Variants in CDT1 observed in about 807,000 individuals in gnomAD.
CDT1 encodes DNA replication factor Cdt1.
In CDT1, 66 loss-of-function variants were observed where a neutral mutation model predicts 49.3. The observed-to-expected ratio is 1.34, with a 90% CI of 1.10 to 1.64. The LOEUF is 1.64. Among genes scored for constraint, CDT1 ranks in the 40% most tolerant of loss-of-function variants. The pLI is 0.00. For synonymous variants in CDT1, 424 were observed against 347.4 expected, an observed-to-expected ratio of 1.22 and a Z score of -2.45; for missense variants, 958 against 807.7, an observed-to-expected ratio of 1.19 and a Z score of -2.26.
In CDT1 at chr16:88,805,879, G is replaced by A. The variant is rs754206836; in HGVS notation, c.832+10G>A. The A allele has an allele frequency of 2.5e-6, 4 of 1,612,504 alleles. No homozygotes were observed. Among genetic ancestry groups the A allele is most frequent in the African/African-American group, 1.3e-5 (1 of 75,014 alleles). On this transcript the variant is annotated intron_variant, in intron 5 of 9. Coordinates refer to ENST00000301019, the MANE Select transcript of CDT1 (RefSeq NM_030928.4). ...CCACTGCTGGAGCAGGGTGAGTGCTGGGTGCGGGACCTCGGTTTCCCCATC... is the reference window on the plus strand; with the variant it reads ...CCACTGCTGGAGCAGGGTGAGTGCTAGGTGCGGGACCTCGGTTTCCCCATC...
chr16:88,804,516 G>C, intron 1 of CDT1, 29 bp from the exon 2 acceptor site: 14 of 1,608,014 alleles, frequency 8.7e-6, no homozygotes, highest in South Asian at 2.2e-5. Context: ...GTCTTGTCAT[G>C]AGTTCACCCT....
At chr16:88,806,214 G>C in intron 6 of CDT1, 93 bp downstream of exon 6, 1 of 1,224,614 alleles carries the variant, frequency 8.2e-7, no homozygotes, top group Non-Finnish European at 1.2e-6. Flanking sequence ...GCCACTCACA[G>C]CTTCTCCCGG....
In CDT1 at chr16:88,809,158, G is replaced by A. The variant is rs1283317633; in HGVS notation, c.*880G>A. ...TGGAGAAGCTGGGCAGGACAAGTAG[G>A]ACATCCCTGGAGCCTCCAGAAGGGA... is the stretch of plus-strand genomic sequence containing the variant. On this transcript the variant is annotated 3_prime_UTR_variant, in exon 10 of 10. Transcript: ENST00000301019. 1 of 288,328 alleles carries A rather than the reference G, an allele frequency of 3.5e-6. No individual in the cohort carries two copies. Among genetic ancestry groups the A allele is most frequent in the Non-Finnish European group, 6.8e-6 (1 of 146,488 alleles). 17.9% of individuals were successfully genotyped at this position (288,328 alleles called of 1,614,324 possible). A position where few individuals can be genotyped will look rare whatever the true frequency, so the allele number is the denominator to read the frequency against.
chr16:88,808,321 C>T lies in CDT1; in HGVS notation c.*43C>T, dbSNP rs3743548. ...GACAGACGTGGGCTTCAGAAGCTCG[C>T]TGGCCTGGGCCCACCAGCATTTTCT... On this transcript the variant is annotated 3_prime_UTR_variant, in exon 10 of 10. Transcript: ENST00000301019. 2 of 1,539,752 alleles carry T rather than the reference C, an allele frequency of 1.3e-6. No individual in the cohort carries two copies. Among genetic ancestry groups the T allele is most frequent in the East Asian group, 2.4e-5 (1 of 41,188 alleles).
Position 88,807,127 on chromosome 16 carries a change from C to T in CDT1, c.1199C>T (p.Pro400Leu), listed in dbSNP as rs367845242. The T allele has an allele frequency of 4.5e-5, 73 of 1,612,502 alleles. No individual in the cohort carries two copies. The Admixed American group carries it at 6.7e-4, about 15-fold the overall frequency. Residue 400 changes from proline to leucine, a missense_variant, in exon 8 of 10, where the codon CCG becomes CTG. Transcript: ENST00000301019. ...SSPGSPRPAL[P>L]ATPPATPPAA... The stretch of plus-strand genomic sequence containing the variant: ...CCCGGGTCTCCCAGGCCAGCACTGC[C>T]GGCTACCCCACCAGCCACCCCGCCT...
chr16:88,808,036 T>C, intron 9 of CDT1, 79 bp from the exon 10 acceptor site: 1 of 1,500,494 alleles, frequency 6.7e-7, no homozygotes. Flanking sequence ...AGAGGTTGGG[T>C]GGTCAGGCTG....
Position 88,807,048 on chromosome 16 carries a change from C to T in CDT1, c.1123-3C>T. Reference sequence around the variant, plus strand: ...TCTCCAGTCCAACCTGTCCCTCCCGCAGATGGAGAAGGCCTTGAGTCAATT... The same window carrying T: ...TCTCCAGTCCAACCTGTCCCTCCCGTAGATGGAGAAGGCCTTGAGTCAATT... On this transcript the variant is annotated splice_region_variant and splice_polypyrimidine_tract_variant and intron_variant, in intron 7 of 9. Coordinates refer to ENST00000301019, the MANE Select transcript of CDT1 (RefSeq NM_030928.4). 6.2e-7 allele frequency: 1 copy of T among 1,612,870 alleles called. No homozygotes were observed. Among genetic ancestry groups the T allele is most frequent in the Non-Finnish European group, 8.5e-7 (1 of 1,179,956 alleles).
rs1908915462 is a variant in CDT1 at position 88,807,579 on chromosome 16, C to A, written c.1477+97C>A. The A allele has an allele frequency of 7.4e-6, 9 of 1,211,098 alleles. No individual in the cohort carries two copies. In the Admixed American group the frequency reaches 1.8e-4, roughly 24 times the overall value. The allele number at this position is 1,211,098 out of a possible 1,614,324, so 75.0% of individuals were successfully genotyped here. On this transcript the variant is annotated intron_variant, in intron 9 of 9. Coordinates refer to ENST00000301019, the MANE Select transcript of CDT1 (RefSeq NM_030928.4). Reference sequence around the variant, plus strand: ...CTGAGCAGAGGTGTCTGTCACTGATCTGTTCTGTTCAGATGTGCAGTGGGC... The same window carrying A: ...CTGAGCAGAGGTGTCTGTCACTGATATGTTCTGTTCAGATGTGCAGTGGGC...
intron 6 of CDT1, 141 bp from the exon 7 acceptor site, chr16:88,806,345 C>T (rs2142944537): frequency 8.8e-7 from 1 of 1,135,718 alleles, no homozygotes. Flanking sequence ...CTTGTGCTCT[C>T]CCTCCAAGCT....
rs775498998 is a variant in CDT1 at position 88,808,263 on chromosome 16, TGAG to T, written c.1631_1633del (p.Glu544del). The T allele has an allele frequency of 6.3e-7, 1 of 1,593,864 alleles. No individual in the cohort carries two copies. Among genetic ancestry groups the T allele is most frequent in the Non-Finnish European group, 8.5e-7 (1 of 1,170,732 alleles). ...CACGCCTGGCCCACCAGACACGTGC[TGAG>T]GAGGGGCTGTGAGCCTGGGGGCCAC... On this transcript the variant is annotated inframe_deletion, in exon 10 of 10. Coordinates refer to ENST00000301019, the MANE Select transcript of CDT1 (RefSeq NM_030928.4).
intron 1 of CDT1, 125 bp from the exon 2 acceptor site, chr16:88,804,420 T>G (rs1359429248): frequency 1.6e-6 from 2 of 1,259,312 alleles, no homozygotes; most frequent in Non-Finnish European, 1.1e-6. Context: ...CTACGGGAAG[T>G]CCTAAGCCCC....
At chr16:88,804,122 C>T (rs893750443) in intron 1 of CDT1, 63 bp downstream of exon 1, 2 of 1,094,126 alleles carry the variant, frequency 1.8e-6, no homozygotes, top group Admixed American at 4.1e-5. Flanking sequence ...GCCCGGGGGG[C>T]AGGGCTCGGG....
chr16:88,804,865 C>T lies in CDT1; in HGVS notation c.455C>T (p.Thr152Ile), dbSNP rs751046700. 1.2e-6 allele frequency: 2 copies of T among 1,603,332 alleles called. No individual in the cohort carries two copies. The highest frequency in any genetic ancestry group is 2.3e-5 in the East Asian group (1 of 44,398). The change falls in exon 3 of 10, where the codon ACC (threonine) becomes ATC (isoleucine). Residue 152 changes from threonine (T) to isoleucine (I), a missense_variant. Physicochemically the swap from Thr to Ile is moderately conservative, Grantham distance 89. Transcript: ENST00000301019. ...ASAQDAGESCTPEAEGRPEEP... is the reference protein window; with the variant it reads ...ASAQDAGESCIPEAEGRPEEP... ...GCCCAGGATGCTGGGGAGTCCTGCA[C>T]CCCAGAGGCCGAGGGCCGCCCTGAG...
intron 9 of CDT1, 137 bp downstream of exon 9, chr16:88,807,619 C>T: frequency 1.1e-6 from 1 of 883,366 alleles, no homozygotes; most frequent in South Asian, 1.6e-5. Context: ...GCCTCTTGCA[C>T]TGGTGTGTCC....
Position 88,808,913 on chromosome 16 carries a change from G to GTGAA in CDT1, c.*636_*639dup, listed in dbSNP as rs1908982348. Reference sequence around the variant, plus strand: ...AGGGAGGCTGAGGCAGGAGAATGGTGTGAACCCAGGAGGCACAGCTTGCAG... The same window carrying GTGAA: ...AGGGAGGCTGAGGCAGGAGAATGGTGTGAATGAACCCAGGAGGCACAGCTTGCAG... On this transcript the variant is annotated 3_prime_UTR_variant, in exon 10 of 10. Transcript: ENST00000301019. 6.2e-6 allele frequency: 1 copy of GTGAA among 162,272 alleles called. No homozygotes were observed. The highest frequency in any genetic ancestry group is 2.4e-5 in the African/African-American group (1 of 41,482). 10.1% of individuals were successfully genotyped at this position (162,272 alleles called of 1,614,324 possible).
rs142465113 is a variant in CDT1, at chr16:88,807,394, C to A, written c.1389C>A (p.Ser463Arg). The change falls in exon 9 of 10, where the codon AGC becomes AGA. Residue 463 changes from serine to arginine, a missense_variant. Transcript: ENST00000301019. ...CTGAGCTGGCCCGCGTGCTGCGGAG[C>A]GTCTTTGTGTCCGAACGCAAGCCTG... ...RLPELARVLR[S>R]VFVSERKPAL... 16 of 1,612,808 alleles carry A rather than the reference C, an allele frequency of 9.9e-6. No individual in the cohort carries two copies. Among genetic ancestry groups the A allele is most frequent in the Non-Finnish European group, 1.4e-5 (16 of 1,179,972 alleles).
chr16:88,806,438 C>T (rs1908858381), intron 6 of CDT1, 48 bp from the exon 7 acceptor site: 4 of 1,593,768 alleles, frequency 2.5e-6, no homozygotes, highest in Non-Finnish European at 2.6e-6. Flanking sequence ...TGCAGTCTGC[C>T]CTTGTCTCAG....
chr16:88,808,269 G>C lies in CDT1; in HGVS notation c.1632G>C (p.Glu544Asp), dbSNP rs556429460. Residue 544 changes from glutamate to aspartate, a missense_variant, in exon 10 of 10, where the codon GAG (glutamate) becomes GAC (aspartate). Physicochemically the swap from Glu to Asp is conservative, Grantham distance 45 (BLOSUM62 2). Transcript: ENST00000301019. ...ARLAHQTRAEEGL is the reference protein window; with the variant it reads ...ARLAHQTRAEDGL ...TGGCCCACCAGACACGTGCTGAGGA[G>C]GGGCTGTGAGCCTGGGGGCCACTGT... 1.8e-4 allele frequency: 282 copies of C among 1,589,240 alleles called. 3 individuals are homozygous for C. The South Asian group carries it at 2.8e-3, about 16-fold the overall frequency.
At position 88,807,362 on chromosome 16, in the gene CDT1, C is replaced by T. The variant is rs200672589; in HGVS notation, c.1357C>T (p.Arg453Trp). The change falls in exon 9 of 10, where the codon CGG (arginine) becomes TGG (tryptophan). Residue 453 changes from arginine to tryptophan, a missense_variant. By Grantham distance (101) the Arg-to-Trp change is moderately radical. Transcript: ENST00000301019. ...GGAGCAGCGGCTGCAGCGCTTAGAA[C>T]GGCTGCCTGAGCTGGCCCGCGTGCT... The part of the protein sequence containing the change: ...EQEQRLQRLE[R>W]LPELARVLRS... The T allele has an allele frequency of 6.8e-4, 1,101 of 1,612,572 alleles. 17 individuals are homozygous for T. In the South Asian group the frequency reaches 1.0e-2, roughly 15 times the overall value.
Sources: gnomAD v4.1 joint callset for allele counts on GRCh38, gnomAD v4.1.1 for gene constraint, MANE v1.5 for transcripts, NCBI Gene and HGNC (gene_info 2026-07-23, HGNC 2026-07-21) for gene names.